CTNNA1: variants seen among roughly 807,000 people sequenced by gnomAD.
The protein encoded by CTNNA1 is catenin alpha 1.
In CTNNA1, 37 loss-of-function variants were observed where a neutral mutation model predicts 98.4. The observed-to-expected ratio is 0.38, with a 90% CI of 0.29 to 0.49. CTNNA1 has a LOEUF of 0.49. Ranked by LOEUF, CTNNA1 falls within the 20% of genes least tolerant of loss-of-function variation. CTNNA1 has a pLI of 0.95. For missense variants in CTNNA1, 761 were observed against 1,147.2 expected (o/e 0.66, Z 4.86); for synonymous variants, 404 against 413.2 (o/e 0.98, Z 0.27).
chr5:138,759,973 TTC>T (rs960112609), intron 1 of CTNNA1, among the ~76,000 whole-genome samples: 5 of 149,034 alleles, frequency 3.4e-5, no homozygotes, highest in Admixed American at 6.8e-5. Context: ...CTCCCAGAAT[TTC>T]TTTCCTTTTT....
At chr5:138,825,387 G>A (rs757469118) in intron 6 of CTNNA1, among the ~76,000 whole-genome samples, 3 of 150,942 alleles carry the variant, frequency 2.0e-5, no homozygotes, top group Non-Finnish European at 4.4e-5. Flanking sequence ...TCTGTCCTGT[G>A]TACACAACTC....
At chr5:138,762,264 C>CT (rs1752451256) in intron 1 of CTNNA1, among the ~76,000 whole-genome samples, 1 of 152,166 alleles carries the variant, frequency 6.6e-6, no homozygotes, top group African/African-American at 2.4e-5. Flanking sequence ...GTGATCTGCC[C>CT]TGTCCCCCAC....
rs1407401010 is a variant in CTNNA1, at chr5:138,934,606, ATGAAGAAAAC to A, written c.*521_*530del. 3 of 153,858 alleles carry A rather than the reference ATGAAGAAAAC, an allele frequency of 1.9e-5. No homozygotes were observed. Among genetic ancestry groups the A allele is most frequent in the Non-Finnish European group, 4.3e-5 (3 of 69,128 alleles). 9.5% of individuals were successfully genotyped at this position (153,858 alleles called of 1,614,324 possible). ...CTCACTCAGTAAAACATAATGTATCATGAAGAAAACTGATTCTCTATGACATGAAATGAAA... is the reference window on the plus strand; with the variant it reads ...CTCACTCAGTAAAACATAATGTATCATGATTCTCTATGACATGAAATGAAA... On this transcript the variant is annotated 3_prime_UTR_variant, in exon 18 of 18. Transcript: ENST00000302763.
intron 10 of CTNNA1, among the ~76,000 whole-genome samples, chr5:138,915,302 C>T (rs1371466230): frequency 6.6e-6 from 1 of 152,192 alleles, no homozygotes; most frequent in East Asian, 1.9e-4. Context: ...GAATAGACAT[C>T]TCTTCAAAGA....
At chr5:138,842,527 C>G (rs1762361580) in intron 7 of CTNNA1, among the ~76,000 whole-genome samples, 3 of 152,308 alleles carry the variant, frequency 2.0e-5, no homozygotes, top group African/African-American at 7.2e-5. Context: ...TCTCACCTCC[C>G]TCACCTTTTC....
intron 4 of CTNNA1, among the ~76,000 whole-genome samples, chr5:138,810,945 C>T (rs1169909132): frequency 2.1e-4 from 30 of 141,808 alleles, no homozygotes; most frequent in African/African-American, 5.4e-4. Flanking sequence ...CCCTCCCGGA[C>T]GGGGCAGCTG....
intron 7 of CTNNA1, among the ~76,000 whole-genome samples, chr5:138,838,311 C>A (rs1761981625): frequency 6.6e-6 from 1 of 152,208 alleles, no homozygotes; most frequent in African/African-American, 2.4e-5. Context: ...TTGTGGCTTT[C>A]AATGAATTAG....
intron 16 of CTNNA1, chr5:138,932,224 C>T (rs1339755286): frequency 9.5e-6 from 10 of 1,057,434 alleles, no homozygotes; most frequent in African/African-American, 6.7e-5. Context: ...GTTCTCACCT[C>T]GAGGGGCATG....
intron 11 of CTNNA1, among the ~76,000 whole-genome samples, chr5:138,923,856 C>T (rs150900405): frequency 1.2e-3 from 176 of 152,304 alleles, no homozygotes; most frequent in African/African-American, 3.9e-3. Flanking sequence ...AGCTGTATGA[C>T]TGTTAGGAGC....
chr5:138,753,740 G>A (rs1751273803), intron 1 of CTNNA1: 1 of 308,434 alleles, frequency 3.2e-6, no homozygotes, highest in Non-Finnish European at 5.9e-6. Flanking sequence ...GGGCGGGCAC[G>A]GCCGGCGCTT....
chr5:138,812,174 A>G lies in CTNNA1; in HGVS notation c.469-9A>G, dbSNP rs1182229476. 1 of 1,609,004 alleles carries G rather than the reference A, an allele frequency of 6.2e-7. No individual in the cohort carries two copies. Among genetic ancestry groups the G allele is most frequent in the Non-Finnish European group, 8.5e-7 (1 of 1,178,526 alleles). On this transcript the variant is annotated splice_polypyrimidine_tract_variant and intron_variant, in intron 4 of 17. Transcript: ENST00000302763. ...ATTTTTGGGTTTTGGGGTCTTTCTT[A>G]TTTTATAGGTGGAAGATGGTATCTT...
chr5:138,877,471 C>T (rs1299555247), intron 7 of CTNNA1, among the ~76,000 whole-genome samples: 37 of 146,014 alleles, frequency 2.5e-4, no homozygotes, highest in South Asian at 1.5e-3. Flanking sequence ...GACGGAGTCT[C>T]GCTCTGTCGC....
At chr5:138,851,962 C>T (rs550483067) in intron 7 of CTNNA1, among the ~76,000 whole-genome samples, 10 of 145,830 alleles carry the variant, frequency 6.9e-5, no homozygotes, top group Non-Finnish European at 1.1e-4. Context: ...CCCAGCTACT[C>T]GGAAGGCTGA....
At chr5:138,819,069 A>AC (rs58651038) in intron 5 of CTNNA1, among the ~76,000 whole-genome samples, 105,236 of 151,850 alleles carry the variant, frequency 0.69, 36,598 homozygotes, top group East Asian at 0.93. Context: ...CATTGGCGTG[A>AC]TTGGGAAGAA....
intron 5 of CTNNA1, among the ~76,000 whole-genome samples, chr5:138,821,879 A>G (rs1345002753): frequency 6.6e-6 from 1 of 152,162 alleles, no homozygotes; most frequent in Non-Finnish European, 1.5e-5. Flanking sequence ...ACTTATTGGC[A>G]TTATATATCT....
intron 3 of CTNNA1, among the ~76,000 whole-genome samples, chr5:138,786,341 A>G (rs1384232267): frequency 2.6e-5 from 4 of 152,252 alleles, no homozygotes; most frequent in Admixed American, 6.5e-5. Flanking sequence ...TATCATAAAT[A>G]GAACAAAATA....
chr5:138,919,264 A>C (rs1762428453), intron 11 of CTNNA1, among the ~76,000 whole-genome samples: 1 of 152,168 alleles, frequency 6.6e-6, no homozygotes, highest in Non-Finnish European at 1.5e-5. Flanking sequence ...TTCCACCTTC[A>C]CAGCACACTT....
Position 138,933,797 on chromosome 5 carries a change from C to T in CTNNA1, c.2434-5C>T, listed in dbSNP as rs369052669. The T allele has an allele frequency of 2.0e-5, 33 of 1,611,624 alleles. No individual in the cohort carries two copies. In the East Asian group the frequency reaches 2.5e-4, roughly 12 times the overall value. ...TGCTTCTTACCACCCCTGTCTGCCT[C>T]GTAGGTGGACAGCGCCATGTCCCTG... On this transcript the variant is annotated splice_polypyrimidine_tract_variant and splice_region_variant and intron_variant, in intron 17 of 17. Transcript: ENST00000302763.
chr5:138,926,546 G>A lies in CTNNA1; in HGVS notation c.1899+1139G>A, dbSNP rs148272917. 3.1e-3 allele frequency among the ~76,000 whole-genome samples: 475 copies of A among 152,012 alleles called. 3 individuals are homozygous for A. Among genetic ancestry groups the A allele is most frequent in the African/African-American group, 0.011 (452 of 41,458 alleles). Reference sequence around the variant, plus strand: ...TTGAGGATACTGAGGCAGTTAGTGCGTCCACCCCTCTGCATCCCATGTCTG... The same window carrying A: ...TTGAGGATACTGAGGCAGTTAGTGCATCCACCCCTCTGCATCCCATGTCTG... On this transcript the variant is annotated intron_variant, in intron 13 of 17. Transcript: ENST00000302763.
Sources: gnomAD v4.1 joint callset for allele counts (sites outside exome capture counted in the v4.1 genomes callset) on GRCh38, gnomAD v4.1.1 for gene constraint, MANE v1.5 for transcripts, NCBI Gene and HGNC (gene_info 2026-07-23, HGNC 2026-07-21) for gene names.